DYNC2H1: variants seen among roughly 807,000 people sequenced by gnomAD.
DYNC2H1 encodes the protein dynein cytoplasmic 2 heavy chain 1.
A neutral mutation model predicts 570.0 loss-of-function variants in DYNC2H1; 410 were observed. The observed-to-expected ratio is 0.72, with a 90% CI of 0.66 to 0.78. The LOEUF (loss-of-function observed/expected upper bound fraction) is 0.78. Among genes scored for constraint, DYNC2H1 ranks in the 30% least tolerant of loss-of-function variants. The probability of loss-of-function intolerance (pLI) is 0.00; values close to 1 mark genes in which losing one functional copy is unlikely to be tolerated. For synonymous variants in DYNC2H1, 1,688 were observed against 1,677.6 expected (o/e 1.01, Z -0.15); for missense variants, 4,865 against 5,046.4 (o/e 0.96, Z 1.09).
In DYNC2H1 at chr11:103,185,901, A is replaced by G. The variant is rs1862045621; in HGVS notation, c.6634-341A>G. On this transcript the variant is annotated intron_variant, in intron 41 of 88. Coordinates refer to ENST00000375735, the MANE Select transcript of DYNC2H1 (RefSeq NM_001377.3). The surrounding 1 kb of genome is among the most constrained non-coding windows in gnomAD (Gnocchi z 4.5). The stretch of plus-strand genomic sequence containing the variant: ...TGACACTGTGATGGACAGTACCAGG[A>G]TATGGCAGAAATGAAGGGCTTTAGG... Among the ~76,000 whole-genome samples, 1 of 151,980 alleles carries G rather than the reference A, an allele frequency of 6.6e-6. No homozygotes were observed. Among genetic ancestry groups the G allele is most frequent in the Admixed American group, 6.6e-5 (1 of 15,198 alleles).
At position 103,199,155 on chromosome 11, in the gene DYNC2H1, C is replaced by A; in HGVS notation, c.7840-73C>A. ...ATGTATCAAAAATATAATATTTTAA[C>A]CTAGGTAAGTAACATTTTTATTATG... On this transcript the variant is annotated intron_variant, in intron 48 of 88. Transcript: ENST00000375735. This position sits in a 1 kb window ranked among gnomAD's most constrained non-coding sequence, Gnocchi z 4.6. 1.9e-6 allele frequency: 2 copies of A among 1,057,718 alleles called. No individual in the cohort carries two copies. Among genetic ancestry groups the A allele is most frequent in the Non-Finnish European group, 1.3e-6 (1 of 782,236 alleles). The allele number at this position is 1,057,718 out of a possible 1,614,324, so 65.5% of individuals were successfully genotyped here.
Position 103,160,966 on chromosome 11 carries a change from A to G in DYNC2H1, c.4413A>G (p.Lys1471=). ...GTGTTTGCTTTGATGAGAAATCAAAACATATAACTGCAATGAAATCTTTAG... is the reference window on the plus strand; with the variant it reads ...GTGTTTGCTTTGATGAGAAATCAAAGCATATAACTGCAATGAAATCTTTAG... ...INSVCFDEKS[K]HITAMKSLEG... The change falls in exon 29 of 89, where the codon AAA becomes AAG. Residue 1471 remains lysine (K), a synonymous_variant. Coordinates refer to ENST00000375735, the MANE Select transcript of DYNC2H1 (RefSeq NM_001377.3). 2.6e-6 allele frequency: 4 copies of G among 1,568,590 alleles called. No individual in the cohort carries two copies. The highest frequency in any genetic ancestry group is 3.4e-6 in the Non-Finnish European group (4 of 1,160,946).
At chr11:103,381,776 G>A (rs4754073) in intron 83 of DYNC2H1, among the ~76,000 whole-genome samples, 27,759 of 152,200 alleles carry the variant, frequency 0.18, 2,721 homozygotes, top group Admixed American at 0.26. Flanking sequence ...AATGCTTGAA[G>A]ATTAAGACTG....
intron 88 of DYNC2H1, among the ~76,000 whole-genome samples, chr11:103,476,423 A>G (rs1196112247): frequency 1.3e-5 from 2 of 152,314 alleles, no homozygotes; most frequent in East Asian, 3.9e-4. Flanking sequence ...TAAAAATTCA[A>G]AGGAGATTAT....
At position 103,479,300 on chromosome 11, in the gene DYNC2H1, C is replaced by T. The variant is rs1432009441; in HGVS notation, c.*47C>T. On this transcript the variant is annotated 3_prime_UTR_variant, in exon 89 of 89. Coordinates refer to ENST00000375735, the MANE Select transcript of DYNC2H1 (RefSeq NM_001377.3). ...ATCTTCACAAAAGGGAACATTGATTCTTTAAGCTTTAAATCAAACATGTGG... is the reference window on the plus strand; with the variant it reads ...ATCTTCACAAAAGGGAACATTGATTTTTTAAGCTTTAAATCAAACATGTGG... The T allele has an allele frequency of 1.9e-6, 3 of 1,567,874 alleles. No individual in the cohort carries two copies. The highest frequency in any genetic ancestry group is 2.6e-6 in the Non-Finnish European group (3 of 1,154,772).
chr11:103,151,277 T>C lies in DYNC2H1; in HGVS notation c.2947-859T>C, dbSNP rs773477996. On this transcript the variant is annotated intron_variant, in intron 20 of 88. Transcript: ENST00000375735. This position sits in a 1 kb window ranked among gnomAD's most constrained non-coding sequence, Gnocchi z 4.6. The stretch of plus-strand genomic sequence containing the variant: ...CCATGCCCAGTTAATTTTTAAAATA[T>C]ATTTTTTTAGAGATGCGTTCTCACT... 2.2e-4 allele frequency among the ~76,000 whole-genome samples: 33 copies of C among 152,120 alleles called. No individual in the cohort carries two copies. Among genetic ancestry groups the C allele is most frequent in the Non-Finnish European group, 4.0e-4 (27 of 68,024 alleles).
chr11:103,136,360 T>G (rs1186722629), intron 17 of DYNC2H1, among the ~76,000 whole-genome samples: 1 of 151,858 alleles, frequency 6.6e-6, no homozygotes, highest in Admixed American at 6.6e-5. Context: ...TATCTCCTAA[T>G]ACTATCCCTC....
Position 103,135,487 on chromosome 11 carries a change from C to T in DYNC2H1, c.2206-8C>T. ...TTTTAAATTAAAAATGTGAATGTAACATATTAGGGATTCCAAGCAAGTGAC... is the reference window on the plus strand; with the variant it reads ...TTTTAAATTAAAAATGTGAATGTAATATATTAGGGATTCCAAGCAAGTGAC... On this transcript the variant is annotated splice_region_variant and splice_polypyrimidine_tract_variant and intron_variant, in intron 15 of 88. Coordinates refer to ENST00000375735, the MANE Select transcript of DYNC2H1 (RefSeq NM_001377.3). 1.3e-6 allele frequency: 2 copies of T among 1,503,718 alleles called. No homozygotes were observed. The highest frequency in any genetic ancestry group is 1.4e-5 in the African/African-American group (1 of 71,276). 93.1% of individuals were successfully genotyped at this position (1,503,718 alleles called of 1,614,324 possible). A position where few individuals can be genotyped will look rare whatever the true frequency, so the allele number is the denominator to read the frequency against.
Position 103,461,319 on chromosome 11 carries a change from C to G in DYNC2H1, c.12648+4963C>G, listed in dbSNP as rs1298088673. Among the ~76,000 whole-genome samples the G allele has an allele frequency of 6.6e-6, 1 of 151,516 alleles. No individual in the cohort carries two copies. Among genetic ancestry groups the G allele is most frequent in the East Asian group, 1.9e-4 (1 of 5,152 alleles). On this transcript the variant is annotated intron_variant, in intron 87 of 88. Coordinates refer to ENST00000375735, the MANE Select transcript of DYNC2H1 (RefSeq NM_001377.3). This position sits in a 1 kb window ranked among gnomAD's most constrained non-coding sequence, Gnocchi z 4.8. ...ATTTTATTAGTTTTTTTTAAAATCT[C>G]TATCACCATAGACTGAATTAAACAG... is the stretch of plus-strand genomic sequence containing the variant.
rs764238948 is a variant in DYNC2H1 at position 103,154,562 on chromosome 11, A to G, written c.3414A>G (p.Gln1138=). 70 of 1,602,256 alleles carry G rather than the reference A, an allele frequency of 4.4e-5. No individual in the cohort carries two copies. The highest frequency in any genetic ancestry group is 5.5e-5 in the Non-Finnish European group (65 of 1,174,388). Reference sequence around the variant, plus strand: ...TTTGGGCCTTTTATGAAGAGTTTCAACAAGGATTTCAGGAAATGGCCAATG... The same window carrying G: ...TTTGGGCCTTTTATGAAGAGTTTCAGCAAGGATTTCAGGAAATGGCCAATG... The part of the protein sequence containing the change: ...AQIWAFYEEF[Q]QGFQEMANED... Residue 1138 remains glutamine (Q), a synonymous_variant, in exon 23 of 89, where the codon CAA becomes CAG. Transcript: ENST00000375735.
chr11:103,291,351 T>C (rs3847572), intron 75 of DYNC2H1, among the ~76,000 whole-genome samples: 5,260 of 152,066 alleles, frequency 0.035, 314 homozygotes, highest in African/African-American at 0.12. Flanking sequence ...GGTGGGACAA[T>C]TGCTTGACCC....
At chr11:103,123,048 A>G in intron 11 of DYNC2H1, 48 bp downstream of exon 11, 13 of 1,248,060 alleles carry the variant, frequency 1.0e-5, no homozygotes, top group Non-Finnish European at 1.1e-5. Context: ...ATATGTTATT[A>G]ATCCAAATAC....
rs1860559896 is a variant in DYNC2H1, at chr11:103,151,839, T to C, written c.2947-297T>C. ...ATAAGAACTTTACTTTGATAAACTGTAGTATTATCTTTATGGATTTCATTT... is the reference window on the plus strand; with the variant it reads ...ATAAGAACTTTACTTTGATAAACTGCAGTATTATCTTTATGGATTTCATTT... On this transcript the variant is annotated intron_variant, in intron 20 of 88. Coordinates refer to ENST00000375735, the MANE Select transcript of DYNC2H1 (RefSeq NM_001377.3). This position sits in a 1 kb window ranked among gnomAD's most constrained non-coding sequence, Gnocchi z 4.6. Among the ~76,000 whole-genome samples the C allele has an allele frequency of 6.6e-6, 1 of 152,156 alleles. No individual in the cohort carries two copies. The highest frequency in any genetic ancestry group is 2.4e-5 in the African/African-American group (1 of 41,448).
chr11:103,352,645 T>A (rs1444477777), intron 82 of DYNC2H1, among the ~76,000 whole-genome samples: 1 of 152,204 alleles, frequency 6.6e-6, no homozygotes, highest in African/African-American at 2.4e-5. Flanking sequence ...TGGCTGATGT[T>A]CTTAAATGTT....
chr11:103,134,228 C>A, intron 14 of DYNC2H1, 93 bp from the exon 15 acceptor site: 1 of 1,066,384 alleles, frequency 9.4e-7, no homozygotes, highest in Non-Finnish European at 1.4e-6. Context: ...AACTTGATCA[C>A]TTGGTTAAGG....
chr11:103,457,434 TGAAGGTG>T (rs1333629287), intron 87 of DYNC2H1, among the ~76,000 whole-genome samples: 1 of 152,116 alleles, frequency 6.6e-6, no homozygotes, highest in Non-Finnish European at 1.5e-5. Context: ...CTGTAAGATG[TGAAGGTG>T]GAAGACTGAT....
rs765346082 is a variant in DYNC2H1, at chr11:103,189,187, C to G, written c.7293-485C>G. Among the ~76,000 whole-genome samples the G allele has an allele frequency of 1.3e-5, 2 of 151,868 alleles. No individual in the cohort carries two copies. The highest frequency in any genetic ancestry group is 2.9e-5 in the Non-Finnish European group (2 of 67,968). On this transcript the variant is annotated intron_variant, in intron 44 of 88. Transcript: ENST00000375735. The surrounding 1 kb of genome is among the most constrained non-coding windows in gnomAD (Gnocchi z 4.3). ...AAAACCTTATTTGTATACTTTTGTG[C>G]TAATTGTACTCCATCAATTAAACTT... is the stretch of plus-strand genomic sequence containing the variant.
At chr11:103,462,369 A>G (rs1591794758) in intron 87 of DYNC2H1, among the ~76,000 whole-genome samples, 1 of 150,926 alleles carries the variant, frequency 6.6e-6, no homozygotes, top group East Asian at 1.9e-4. Flanking sequence ...TTCATTTTAC[A>G]TTGTATCATA....
chr11:103,224,450 G>A (rs929435174), intron 59 of DYNC2H1, among the ~76,000 whole-genome samples: 2 of 152,060 alleles, frequency 1.3e-5, no homozygotes, highest in Admixed American at 6.6e-5. Flanking sequence ...TCATTCTTAC[G>A]CCTTTGCGTC....
Sources: gnomAD v4.1 joint callset for allele counts (sites outside exome capture counted in the v4.1 genomes callset) on GRCh38, gnomAD v4.1.1 for gene constraint, Gnocchi (gnomAD v3.1) non-coding constraint, MANE v1.5 for transcripts, NCBI Gene and HGNC (gene_info 2026-07-23, HGNC 2026-07-21) for gene names.